Variants in PIEZO2 observed in about 807,000 individuals in gnomAD.
PIEZO2 encodes piezo-type mechanosensitive ion channel component 2.
Under a neutral mutation model 337.3 loss-of-function variants are expected in PIEZO2, and 172 were observed. That is an observed-to-expected ratio of 0.51 (90% CI 0.45 to 0.58). The LOEUF is 0.58. PIEZO2 is among the 20% of genes least tolerant of loss of function. The pLI, the probability that PIEZO2 is intolerant of heterozygous loss-of-function variation, is 0.00. For synonymous variants in PIEZO2, 1,251 were observed against 1,228.5 expected, an observed-to-expected ratio of 1.02 and a Z score of -0.38; for missense variants, 3,028 against 3,391.3, an observed-to-expected ratio of 0.89 and a Z score of 2.66.
chr18:11,041,728 A>AGC (rs1359714365), intron 2 of PIEZO2, among the ~76,000 whole-genome samples: 18 of 152,360 alleles, frequency 1.2e-4, no homozygotes, highest in African/African-American at 4.3e-4. Context: ...AACTTATAAA[A>AGC]ATGTAAATGA....
At chr18:11,010,048 T>A (rs1598821708) in intron 2 of PIEZO2, among the ~76,000 whole-genome samples, 1 of 152,174 alleles carries the variant, frequency 6.6e-6, no homozygotes, top group East Asian at 1.9e-4. Flanking sequence ...TACAGGCAAT[T>A]GCATGAAAAG....
intron 3 of PIEZO2, among the ~76,000 whole-genome samples, chr18:10,914,416 G>A (rs1046927639): frequency 1.3e-5 from 2 of 152,040 alleles, no homozygotes; most frequent in African/African-American, 2.4e-5. Flanking sequence ...AGGTGTTCAT[G>A]TCCCTCATAT....
intron 1 of PIEZO2, among the ~76,000 whole-genome samples, chr18:11,115,469 C>T (rs572659284): frequency 8.5e-5 from 13 of 152,222 alleles, no homozygotes; most frequent in East Asian, 3.9e-4. Context: ...GTCCCAAATA[C>T]GGAAATGTTA....
chr18:10,675,560 A>G (rs963392042), intron 53 of PIEZO2, among the ~76,000 whole-genome samples: 12 of 152,194 alleles, frequency 7.9e-5, no homozygotes, highest in African/African-American at 2.4e-4. Context: ...CCTTTTCCCA[A>G]TTCTGCAGCT....
chr18:11,015,927 G>A (rs572637608), intron 2 of PIEZO2, among the ~76,000 whole-genome samples: 5 of 152,246 alleles, frequency 3.3e-5, no homozygotes, highest in African/African-American at 1.2e-4. Context: ...CTTTCTAAAC[G>A]TTTTTGTAAG....
chr18:11,095,696 G>A (rs1414282952), intron 1 of PIEZO2, among the ~76,000 whole-genome samples: 1 of 152,190 alleles, frequency 6.6e-6, no homozygotes, highest in Non-Finnish European at 1.5e-5. Context: ...GTTTATAAAA[G>A]TTAATAACCT....
At chr18:10,711,485 G>T (rs2035818311) in intron 39 of PIEZO2, among the ~76,000 whole-genome samples, 1 of 151,984 alleles carries the variant, frequency 6.6e-6, no homozygotes, top group Non-Finnish European at 1.5e-5. Context: ...AGACTATATG[G>T]CTTCATGAAA....
chr18:11,050,014 G>A (rs2037467346), intron 2 of PIEZO2, among the ~76,000 whole-genome samples: 1 of 152,076 alleles, frequency 6.6e-6, no homozygotes. Flanking sequence ...CCTAAACTGA[G>A]AATTATAGGC....
At position 10,870,116 on chromosome 18, in the gene PIEZO2, T is replaced by TC. The variant is rs2042104344; in HGVS notation, c.492+1136dup. Among the ~76,000 whole-genome samples, 1 of 152,202 alleles carries TC rather than the reference T, an allele frequency of 6.6e-6. No individual in the cohort carries two copies. Among genetic ancestry groups the TC allele is most frequent in the Admixed American group, 6.5e-5 (1 of 15,288 alleles). On this transcript the variant is annotated intron_variant, in intron 5 of 55. Coordinates refer to ENST00000674853, the MANE Select transcript of PIEZO2 (RefSeq NM_001378183.1). This position sits in a 1 kb window ranked among gnomAD's most constrained non-coding sequence, Gnocchi z 5.3. ...GTCTCGAACTCATGACCTCAGGTGA[T>TC]CTGCCCACCTGGGCCTCCCAAGGTG...
At chr18:10,705,783 T>C in intron 40 of PIEZO2, 37 bp from the exon 41 acceptor site, 1 of 1,477,458 alleles carries the variant, frequency 6.8e-7, no homozygotes, top group South Asian at 1.3e-5. Context: ...GCCCATGTCT[T>C]AGCATCCACA....
intron 2 of PIEZO2, among the ~76,000 whole-genome samples, chr18:11,065,061 A>G (rs921272356): frequency 6.6e-6 from 1 of 152,202 alleles, no homozygotes; most frequent in Admixed American, 6.5e-5. Flanking sequence ...GTGACTTAGA[A>G]TTACTGTTAT....
intron 1 of PIEZO2, among the ~76,000 whole-genome samples, chr18:11,144,583 T>G (rs550757261): frequency 6.6e-6 from 1 of 152,366 alleles, no homozygotes; most frequent in African/African-American, 2.4e-5. Flanking sequence ...GATAGCCATA[T>G]CTAATATATT....
chr18:10,731,215 A>ATATATATATATATATC (rs1290190163), intron 36 of PIEZO2, among the ~76,000 whole-genome samples, 192 bp downstream of exon 36: 7 of 128,742 alleles, frequency 5.4e-5, no homozygotes, highest in African/African-American at 2.1e-4. Flanking sequence ...ATATATATAT[A>ATATATATATATATATC]TATCTCCTAA....
At position 10,821,670 on chromosome 18, in the gene PIEZO2, C is replaced by T. The variant is rs2040524433; in HGVS notation, c.918-14396G>A. 6.6e-6 allele frequency among the ~76,000 whole-genome samples: 1 copy of T among 151,996 alleles called. No individual in the cohort carries two copies. Among genetic ancestry groups the T allele is most frequent in the South Asian group, 2.1e-4 (1 of 4,814 alleles). ...CCAGGAAATATGAGTCAAGTATCAC[C>T]CCCACCCACCACCACCTTTTTCATC... On this transcript the variant is annotated intron_variant, in intron 7 of 55. Transcript: ENST00000674853. The surrounding 1 kb of genome is among the most constrained non-coding windows in gnomAD (Gnocchi z 4.2).
rs140538634 is a variant in PIEZO2 at position 10,746,791 on chromosome 18, G to A, written c.4424+1680C>T. ...TCTATGAGGAAGTGGGCCCTCGGCCGACACTGAATCTGCTCGAACCTTGAT... is the reference window on the plus strand; with the variant it reads ...TCTATGAGGAAGTGGGCCCTCGGCCAACACTGAATCTGCTCGAACCTTGAT... On this transcript the variant is annotated intron_variant, in intron 30 of 55. Transcript: ENST00000674853. This position sits in a 1 kb window ranked among gnomAD's most constrained non-coding sequence, Gnocchi z 4.2. 3.1e-3 allele frequency among the ~76,000 whole-genome samples: 466 copies of A among 152,300 alleles called. 7 individuals carry two copies. The highest frequency in any genetic ancestry group is 0.011 in the African/African-American group (441 of 41,580).
At chr18:11,050,792 C>CTATATATATATATATATTATA (rs528083260) in intron 2 of PIEZO2, among the ~76,000 whole-genome samples, 32 of 143,866 alleles carry the variant, frequency 2.2e-4, no homozygotes, top group African/African-American at 6.2e-4. Flanking sequence ...TCCTAAAAAA[C>CTATATATATATATATATTATA]TATATATATA....
intron 3 of PIEZO2, among the ~76,000 whole-genome samples, chr18:10,950,277 T>A (rs1017959368): frequency 6.6e-6 from 1 of 152,174 alleles, no homozygotes; most frequent in African/African-American, 2.4e-5. Context: ...AGTCGTCACA[T>A]CACTTAAAAA....
At chr18:11,039,125 C>T (rs979421525) in intron 2 of PIEZO2, among the ~76,000 whole-genome samples, 11 of 152,162 alleles carry the variant, frequency 7.2e-5, no homozygotes, top group Non-Finnish European at 1.5e-4. Context: ...AAGAACAGAA[C>T]GAATACAACC....
intron 36 of PIEZO2, among the ~76,000 whole-genome samples, chr18:10,720,649 T>C (rs1284150400): frequency 6.6e-6 from 1 of 151,378 alleles, no homozygotes; most frequent in Admixed American, 6.6e-5. Context: ...TTAGAGATGT[T>C]GCTCGGGCTG....
Sources: allele counts gnomAD v4.1 joint callset (sites outside exome capture counted in the v4.1 genomes callset), GRCh38; gene constraint gnomAD v4.1.1; non-coding constraint Gnocchi (gnomAD v3.1); transcripts MANE v1.5; gene names NCBI Gene and HGNC (gene_info 2026-07-23, HGNC 2026-07-21).